ARMC1: variants seen among roughly 807,000 people sequenced by gnomAD.
The protein encoded by ARMC1 is armadillo repeat-containing protein 1.
Under a neutral mutation model 31.4 loss-of-function variants are expected in ARMC1, and 16 were observed. That is an observed-to-expected ratio of 0.51 (90% CI 0.34 to 0.77). The LOEUF is 0.77. ARMC1 is among the 30% of genes least tolerant of loss of function. ARMC1 has a pLI of 0.01. For synonymous variants in ARMC1, 114 were observed against 118.9 expected, an observed-to-expected ratio of 0.96 and a Z score of 0.27; for missense variants, 259 against 347.5, an observed-to-expected ratio of 0.75 and a Z score of 2.02.
intron 3 of ARMC1, among the ~76,000 whole-genome samples, chr8:65,617,299 G>C (rs200055913): frequency 2.6e-5 from 4 of 152,338 alleles, no homozygotes; most frequent in Non-Finnish European, 4.4e-5. Context: ...GCCTTGGGAT[G>C]CTGTTGATCT....
chr8:65,617,007 G>A (rs1227806869), intron 3 of ARMC1, among the ~76,000 whole-genome samples: 1 of 151,068 alleles, frequency 6.6e-6, no homozygotes, highest in Non-Finnish European at 1.5e-5. Context: ...GAGGCGGGGG[G>A]CAGCCCCCGC....
chr8:65,604,512 T>TCCTCAGGCAGGTAGTCAGGTAG lies in ARMC1; in HGVS notation c.709_730dup (p.Asp244AlafsTer3). ...GTCCTGTTCCTTTGTGGGACTCTCA[T>TCCTCAGGCAGGTAGTCAGGTAG]CCTCAGGCAGGTAGTCAGGTAGCTC... On this transcript the variant is annotated stop_gained and frameshift_variant, in exon 7 of 7. Coordinates refer to ENST00000276569, the MANE Select transcript of ARMC1 (RefSeq NM_018120.6). LOFTEE classifies it high-confidence loss of function. The TCCTCAGGCAGGTAGTCAGGTAG allele has an allele frequency of 6.2e-7, 1 of 1,614,112 alleles. No homozygotes were observed. Among genetic ancestry groups the TCCTCAGGCAGGTAGTCAGGTAG allele is most frequent in the South Asian group, 1.1e-5 (1 of 91,084 alleles).
intron 1 of ARMC1, among the ~76,000 whole-genome samples, chr8:65,627,794 T>C (rs536705173): frequency 6.6e-6 from 1 of 152,368 alleles, no homozygotes; most frequent in African/African-American, 2.4e-5. Flanking sequence ...CTCTAGACTA[T>C]TTCTAGCCCT....
intron 3 of ARMC1, among the ~76,000 whole-genome samples, chr8:65,615,588 T>G (rs1808232808): frequency 6.6e-6 from 1 of 151,998 alleles, no homozygotes; most frequent in Non-Finnish European, 1.5e-5. Flanking sequence ...GTGTCTATAA[T>G]CCCAGCTACT....
At chr8:65,628,248 G>A (rs1453840808) in intron 1 of ARMC1, among the ~76,000 whole-genome samples, 3 of 151,686 alleles carry the variant, frequency 2.0e-5, no homozygotes, top group South Asian at 2.1e-4. Context: ...TGTTTTCCTT[G>A]TTTGTTTTGT....
intron 1 of ARMC1, among the ~76,000 whole-genome samples, chr8:65,631,413 T>A (rs1167124339): frequency 6.6e-6 from 1 of 152,230 alleles, no homozygotes; most frequent in African/African-American, 2.4e-5. Flanking sequence ...TTTTTATTTT[T>A]AGTAGAGACG....
At chr8:65,605,157 T>C (rs1399274323) in intron 6 of ARMC1, 106 bp downstream of exon 6, 3 of 905,926 alleles carry the variant, frequency 3.3e-6, no homozygotes, top group Non-Finnish European at 5.0e-6. Flanking sequence ...AAACAGCACA[T>C]CCTTACATAC....
rs765962440 is a variant in ARMC1, at chr8:65,604,395, C to G, written c.848G>C (p.Ter283SerextTer55). 5 of 1,613,146 alleles carry G rather than the reference C, an allele frequency of 3.1e-6. No homozygotes were observed. The highest frequency in any genetic ancestry group is 4.2e-6 in the Non-Finnish European group (5 of 1,179,496). Residue 283 changes from the stop codon to serine, a stop_lost, in exon 7 of 7, where the codon TGA (stop) becomes TCA (serine). Transcript: ENST00000276569. ...CAGTCCTTGAGCCCAAAAGTGAAGTCACCAATAAAATGATCTGGATAAAAA... is the reference window on the plus strand; with the variant it reads ...CAGTCCTTGAGCCCAAAAGTGAAGTGACCAATAAAATGATCTGGATAAAAA... ...ANFLSRSFYW[*>S]
At chr8:65,605,928 A>C (rs1260346389) in intron 4 of ARMC1, among the ~76,000 whole-genome samples, 1 of 152,312 alleles carries the variant, frequency 6.6e-6, no homozygotes, top group Admixed American at 6.5e-5. Context: ...CTGTTTTTGT[A>C]ACTAAGTTTT....
chr8:65,609,467 G>A (rs536904269), intron 4 of ARMC1, among the ~76,000 whole-genome samples: 5 of 152,116 alleles, frequency 3.3e-5, no homozygotes, highest in Non-Finnish European at 7.3e-5. Context: ...CCCACTTCCA[G>A]TAAGATAGCT....
At chr8:65,613,215 A>C (rs1368976231) in intron 4 of ARMC1, 29 bp downstream of exon 4, 5 of 1,523,988 alleles carry the variant, frequency 3.3e-6, no homozygotes, top group Non-Finnish European at 3.5e-6. Flanking sequence ...AGTAAACATG[A>C]TTTCTCTTTC....
intron 2 of ARMC1, among the ~76,000 whole-genome samples, chr8:65,625,081 A>C (rs994471475): frequency 6.6e-6 from 1 of 152,214 alleles, no homozygotes; most frequent in Non-Finnish European, 1.5e-5. Context: ...AGATTGTGCC[A>C]TTGCTCTCCA....
At chr8:65,618,149 C>T (rs990649537) in intron 3 of ARMC1, among the ~76,000 whole-genome samples, 6 of 152,026 alleles carry the variant, frequency 3.9e-5, no homozygotes, top group African/African-American at 1.4e-4. Context: ...CTCCTGACCT[C>T]GTGATACACC....
intron 3 of ARMC1, among the ~76,000 whole-genome samples, chr8:65,615,573 G>A (rs1808232631): frequency 1.3e-5 from 2 of 152,074 alleles, no homozygotes; most frequent in Admixed American, 1.3e-4. Flanking sequence ...TGGGCGTGGT[G>A]GCAGGTGTCT....
chr8:65,621,875 T>C (rs1382762787), intron 3 of ARMC1, among the ~76,000 whole-genome samples: 2 of 152,234 alleles, frequency 1.3e-5, no homozygotes, highest in Non-Finnish European at 2.9e-5. Context: ...TCCACAGTTT[T>C]ACCATTTTCC....
At chr8:65,620,294 C>CTTT (rs755112362) in intron 3 of ARMC1, among the ~76,000 whole-genome samples, 62 of 90,154 alleles carry the variant, frequency 6.9e-4, no homozygotes, top group Non-Finnish European at 9.7e-4. Flanking sequence ...ATTATTATTA[C>CTTT]TTTTTTTTTT....
chr8:65,620,418 C>T (rs996328904), intron 3 of ARMC1, among the ~76,000 whole-genome samples: 2 of 149,674 alleles, frequency 1.3e-5, no homozygotes. Context: ...TCTCCTGCTT[C>T]AGCCTCCTGA....
chr8:65,614,386 T>C (rs192750039), intron 3 of ARMC1, among the ~76,000 whole-genome samples: 1 of 152,332 alleles, frequency 6.6e-6, no homozygotes, highest in African/African-American at 2.4e-5. Flanking sequence ...CACATGAGGC[T>C]ACTGAGCACT....
At chr8:65,624,201 A>G (rs1808462955) in intron 2 of ARMC1, among the ~76,000 whole-genome samples, 1 of 152,078 alleles carries the variant, frequency 6.6e-6, no homozygotes, top group South Asian at 2.1e-4. Flanking sequence ...GAAGGTAAAT[A>G]TAAAAGACCT....
Sources: allele counts gnomAD v4.1 joint callset (sites outside exome capture counted in the v4.1 genomes callset), GRCh38; gene constraint gnomAD v4.1.1; transcripts MANE v1.5; gene names NCBI Gene and HGNC (gene_info 2026-07-23, HGNC 2026-07-21).